DLGAP2: variants seen among roughly 807,000 people sequenced by gnomAD.
DLGAP2 encodes the protein disks large-associated protein 2.
DLGAP2 carries 26 observed loss-of-function variants against 100.3 expected under a neutral mutation model. That is an observed-to-expected ratio of 0.26 (90% CI 0.19 to 0.36). DLGAP2 has a LOEUF of 0.36. Among genes scored for constraint, DLGAP2 ranks in the 10% least tolerant of loss-of-function variants. The pLI is 1.00. For missense variants in DLGAP2, 1,858 were observed against 1,453.2 expected (o/e 1.28, Z -4.53); for synonymous variants, 886 against 630.1 (o/e 1.41, Z -6.08).
chr8:1,632,595 C>T (rs570186976), intron 7 of DLGAP2, among the ~76,000 whole-genome samples: 11 of 152,296 alleles, frequency 7.2e-5, no homozygotes, highest in African/African-American at 2.4e-4. Flanking sequence ...TTGCGGTCCC[C>T]CAGAATTTCA....
intron 3 of DLGAP2, among the ~76,000 whole-genome samples, chr8:1,495,420 T>C (rs1324379324): frequency 1.3e-5 from 2 of 152,154 alleles, no homozygotes; most frequent in Non-Finnish European, 2.9e-5. Flanking sequence ...CCCCTTCTGC[T>C]GTGCTGCTCT....
intron 4 of DLGAP2, among the ~76,000 whole-genome samples, chr8:1,539,839 C>T (rs1028681392): frequency 3.3e-5 from 5 of 152,218 alleles, no homozygotes; most frequent in East Asian, 3.9e-4. Flanking sequence ...CACCACGGCC[C>T]GTGTCCTTGT....
At chr8:1,236,904 T>C (rs62487779) in intron 2 of DLGAP2, among the ~76,000 whole-genome samples, 99,130 of 113,420 alleles carry the variant, frequency 0.87, 42,981 homozygotes, top group Middle Eastern at 0.92. Flanking sequence ...GGCGCCATGT[T>C]TAGTTCTCTC....
At chr8:1,138,045 G>A (rs1285485100) in intron 2 of DLGAP2, among the ~76,000 whole-genome samples, 4 of 152,148 alleles carry the variant, frequency 2.6e-5, no homozygotes, top group Admixed American at 6.5e-5. Context: ...CCCCTCTCTC[G>A]ATGGAAGCTT....
chr8:1,589,872 A>C (rs917388783), intron 6 of DLGAP2, among the ~76,000 whole-genome samples: 1 of 152,178 alleles, frequency 6.6e-6, no homozygotes, highest in African/African-American at 2.4e-5. Context: ...TGACCCCGCA[A>C]CACCATTTAC....
chr8:1,422,633 C>T (rs1271685957), intron 3 of DLGAP2, among the ~76,000 whole-genome samples: 2 of 151,082 alleles, frequency 1.3e-5, no homozygotes, highest in Non-Finnish European at 2.9e-5. Flanking sequence ...TCACGGTTAT[C>T]AGCAAAGGCT....
chr8:1,256,005 G>T (rs1317110544), intron 2 of DLGAP2, among the ~76,000 whole-genome samples: 14 of 127,672 alleles, frequency 1.1e-4, no homozygotes, highest in African/African-American at 3.8e-4. Context: ...CTCCTGCCTG[G>T]GTGCTGTGTG....
chr8:788,145 A>G (rs745410149), intron 1 of DLGAP2, among the ~76,000 whole-genome samples: 9 of 152,220 alleles, frequency 5.9e-5, no homozygotes, highest in Non-Finnish European at 1.0e-4. Flanking sequence ...TTTGGTGATG[A>G]AGTGTGGTAG....
chr8:1,683,002 T>C (rs193255908), intron 12 of DLGAP2, among the ~76,000 whole-genome samples: 62 of 151,598 alleles, frequency 4.1e-4, no homozygotes, highest in African/African-American at 1.5e-3. Context: ...CTACATTCCA[T>C]AGATATTTAT....
At chr8:1,512,051 G>A (rs573792108) in intron 4 of DLGAP2, among the ~76,000 whole-genome samples, 2 of 152,328 alleles carry the variant, frequency 1.3e-5, no homozygotes, top group Admixed American at 6.5e-5. Context: ...CCCTGAGAAC[G>A]GTGTTCCTCA....
At position 1,481,103 on chromosome 8, in the gene DLGAP2, C is replaced by T. The variant is rs950435777; in HGVS notation, c.107-20263C>T. 5.9e-5 allele frequency among the ~76,000 whole-genome samples: 9 copies of T among 151,990 alleles called. 1 individual carries two copies. The highest frequency in any genetic ancestry group is 1.2e-4 in the African/African-American group (5 of 41,484). On this transcript the variant is annotated intron_variant, in intron 3 of 14. Transcript: ENST00000637795. ...AGGAGAATGGCGTGAACCTGGGAGG[C>T]GGAGCTTGCAGTGAGCCAAGATCAC...
chr8:1,302,771 A>G (rs1487652447), intron 3 of DLGAP2, among the ~76,000 whole-genome samples: 1 of 152,268 alleles, frequency 6.6e-6, no homozygotes, highest in African/African-American at 2.4e-5. Context: ...CCTGGGGACC[A>G]TGGAGCGACC....
chr8:934,966 G>T (rs1799036710), intron 2 of DLGAP2, among the ~76,000 whole-genome samples: 1 of 152,170 alleles, frequency 6.6e-6, no homozygotes, highest in East Asian at 1.9e-4. Context: ...TGTCTCTTCA[G>T]CGTTTCCAAA....
intron 3 of DLGAP2, among the ~76,000 whole-genome samples, chr8:1,324,793 C>G (rs914733831): frequency 6.6e-6 from 1 of 152,080 alleles, no homozygotes; most frequent in African/African-American, 2.4e-5. Flanking sequence ...ATCAGAGGAG[C>G]GGGAGTCACA....
intron 2 of DLGAP2, among the ~76,000 whole-genome samples, chr8:1,186,776 G>A (rs895983861): frequency 6.6e-6 from 1 of 152,142 alleles, no homozygotes; most frequent in African/African-American, 2.4e-5. Flanking sequence ...GCTTGGACGT[G>A]TCTGGAGGTT....
chr8:1,489,171 A>G (rs1392552017), intron 3 of DLGAP2, among the ~76,000 whole-genome samples: 1 of 152,218 alleles, frequency 6.6e-6, no homozygotes, highest in African/African-American at 2.4e-5. Context: ...CTGGGAAACA[A>G]CATTCCATGC....
Position 1,498,383 on chromosome 8 carries a change from A to ATT in DLGAP2, c.107-2983_107-2982insTT, listed in dbSNP as rs1563184305. ...TTCAAGATACGGCAAAATAAATAAAAAAAAAAAAATTACACATTCGGGATG... is the reference window on the plus strand; with the variant it reads ...TTCAAGATACGGCAAAATAAATAAAATTAAAAAAAAATTACACATTCGGGATG... On this transcript the variant is annotated intron_variant, in intron 3 of 14. Transcript: ENST00000637795. 8.0e-3 allele frequency among the ~76,000 whole-genome samples: 1,209 copies of ATT among 151,940 alleles called. 10 individuals carry two copies. The highest frequency in any genetic ancestry group is 0.028 in the African/African-American group (1,171 of 41,234).
chr8:1,179,754 A>AT (rs1797340795), intron 2 of DLGAP2, among the ~76,000 whole-genome samples: 1 of 152,234 alleles, frequency 6.6e-6, no homozygotes, highest in Non-Finnish European at 1.5e-5. Flanking sequence ...TGAAATATAA[A>AT]TGGGAGTACA....
intron 2 of DLGAP2, among the ~76,000 whole-genome samples, chr8:985,282 A>G (rs1286140069): frequency 6.6e-6 from 1 of 152,226 alleles, no homozygotes; most frequent in Non-Finnish European, 1.5e-5. Flanking sequence ...GTCCTTCAGC[A>G]CGGTCTCATG....
Sources: gnomAD v4.1 joint callset for allele counts (sites outside exome capture counted in the v4.1 genomes callset) on GRCh38, gnomAD v4.1.1 for gene constraint, MANE v1.5 for transcripts, NCBI Gene and HGNC (gene_info 2026-07-23, HGNC 2026-07-21) for gene names.